The following KIAA1549L variants were observed in gnomAD, a reference collection of about 807,000 sequenced individuals.
KIAA1549L encodes KIAA1549 like.
A neutral mutation model predicts 160.7 loss-of-function variants in KIAA1549L; 88 were observed. The observed-to-expected ratio is 0.55, with a 90% CI of 0.46 to 0.65. The LOEUF is 0.65. Among genes scored for constraint, KIAA1549L ranks in the 30% least tolerant of loss-of-function variants. The pLI, the probability that KIAA1549L is intolerant of heterozygous loss-of-function variation, is 0.00. For synonymous variants in KIAA1549L, 950 were observed against 976.7 expected (o/e 0.97, Z 0.51); for missense variants, 2,258 against 2,437.5 (o/e 0.93, Z 1.55).
At chr11:33,652,900 CGTCT>C (rs1358495016) in intron 17 of KIAA1549L, among the ~76,000 whole-genome samples, 1 of 152,170 alleles carries the variant, frequency 6.6e-6, no homozygotes, top group Non-Finnish European at 1.5e-5. Context: ...GCCCTGCTTT[CGTCT>C]GTCTATGTAT....
intron 4 of KIAA1549L, 81 bp downstream of exon 4, chr11:33,547,960 C>A: frequency 1.1e-6 from 1 of 897,050 alleles, no homozygotes; most frequent in Non-Finnish European, 1.8e-6. Context: ...TGTTTTCCTC[C>A]TTTCTAGGGA....
intron 1 of KIAA1549L, among the ~76,000 whole-genome samples, chr11:33,499,493 A>G (rs1448550083): frequency 6.6e-6 from 1 of 152,186 alleles, no homozygotes; most frequent in Non-Finnish European, 1.5e-5. Flanking sequence ...ATGGTTTAGC[A>G]CAGTTCTTGG....
chr11:33,656,350 C>G (rs764040941), intron 18 of KIAA1549L, among the ~76,000 whole-genome samples: 2 of 152,180 alleles, frequency 1.3e-5, no homozygotes, highest in Non-Finnish European at 2.9e-5. Flanking sequence ...AGCCCAAGGT[C>G]AACTGCCCCA....
chr11:33,380,133 T>C (rs1331211477), intron 1 of KIAA1549L, among the ~76,000 whole-genome samples: 1 of 152,206 alleles, frequency 6.6e-6, no homozygotes, highest in African/African-American at 2.4e-5. Flanking sequence ...CTCAGCACCC[T>C]GTCTGCATGC....
chr11:33,587,794 C>T (rs950093107), intron 11 of KIAA1549L, among the ~76,000 whole-genome samples: 6 of 152,154 alleles, frequency 3.9e-5, no homozygotes, highest in African/African-American at 1.2e-4. Flanking sequence ...GAGATGGGAC[C>T]AGAGCCAGCT....
intron 17 of KIAA1549L, among the ~76,000 whole-genome samples, chr11:33,655,481 C>T (rs1446661489): frequency 1.3e-5 from 2 of 152,196 alleles, no homozygotes; most frequent in Non-Finnish European, 2.9e-5. Context: ...ATGATTCATC[C>T]ATTTAATCAT....
At chr11:33,565,113 G>A (rs529845834) in intron 8 of KIAA1549L, among the ~76,000 whole-genome samples, 8 of 152,202 alleles carry the variant, frequency 5.3e-5, no homozygotes, top group South Asian at 4.2e-4. Flanking sequence ...GGTTGTCTGC[G>A]CCAGGTCTGA....
At chr11:33,440,795 G>T (rs138224967) in intron 1 of KIAA1549L, among the ~76,000 whole-genome samples, 1,623 of 152,286 alleles carry the variant, frequency 0.011, 7 homozygotes, top group South Asian at 0.04. Flanking sequence ...GTGAGGGCAT[G>T]CTAGTTATAA....
intron 1 of KIAA1549L, among the ~76,000 whole-genome samples, chr11:33,390,038 T>C (rs1263946970): frequency 6.6e-6 from 1 of 152,270 alleles, no homozygotes. Flanking sequence ...AAATAACAGC[T>C]AATACTTTTG....
chr11:33,461,055 C>T (rs1483139327), intron 1 of KIAA1549L, among the ~76,000 whole-genome samples: 1 of 151,986 alleles, frequency 6.6e-6, no homozygotes, highest in Admixed American at 6.6e-5. Flanking sequence ...AGGTAAAAAG[C>T]ATTAAAATTG....
chr11:33,607,265 T>C (rs1196689684), intron 14 of KIAA1549L, among the ~76,000 whole-genome samples: 1 of 152,168 alleles, frequency 6.6e-6, no homozygotes, highest in African/African-American at 2.4e-5. Flanking sequence ...CTCTGGGGAC[T>C]TTGAAATGAC....
intron 1 of KIAA1549L, among the ~76,000 whole-genome samples, chr11:33,503,370 T>C (rs1852999475): frequency 6.6e-6 from 1 of 152,258 alleles, no homozygotes; most frequent in African/African-American, 2.4e-5. Context: ...TTTTTAGCTA[T>C]TAAGAATTTT....
At chr11:33,448,119 A>G (rs1268473751) in intron 1 of KIAA1549L, among the ~76,000 whole-genome samples, 1 of 152,184 alleles carries the variant, frequency 6.6e-6, no homozygotes, top group African/African-American at 2.4e-5. Flanking sequence ...TCCGGGATAC[A>G]TGTGCAGAAC....
At chr11:33,504,735 T>C (rs908363322) in intron 1 of KIAA1549L, among the ~76,000 whole-genome samples, 1 of 152,156 alleles carries the variant, frequency 6.6e-6, no homozygotes, top group African/African-American at 2.4e-5. Flanking sequence ...CCCAAAGTGC[T>C]AGGATTACAG....
At chr11:33,405,453 C>G (rs1004200199) in intron 1 of KIAA1549L, among the ~76,000 whole-genome samples, 5 of 148,456 alleles carry the variant, frequency 3.4e-5, no homozygotes, top group Non-Finnish European at 7.4e-5. Context: ...AATAGACTAA[C>G]AAAAAAATTC....
Position 33,506,801 on chromosome 11 carries a change from A to C in KIAA1549L, c.239-35001A>C, listed in dbSNP as rs145692799. On this transcript the variant is annotated intron_variant, in intron 1 of 20. Transcript: ENST00000658780. ...AACATAAAAATATTTGAAAAATTCCAAAATCAGGCTTTACTTGATATTTGG... is the reference window on the plus strand; with the variant it reads ...AACATAAAAATATTTGAAAAATTCCCAAATCAGGCTTTACTTGATATTTGG... Among the ~76,000 whole-genome samples the C allele has an allele frequency of 4.8e-3, 732 of 152,246 alleles. 8 individuals are homozygous for C. The highest frequency in any genetic ancestry group is 0.016 in the African/African-American group (675 of 41,542).
At position 33,646,023 on chromosome 11, in the gene KIAA1549L, G is replaced by A. The variant is rs1443287475; in HGVS notation, c.5747G>A (p.Ser1916Asn). Residue 1916 changes from serine (S) to asparagine (N), a missense_variant, in exon 17 of 21, where the codon AGT becomes AAT. Coordinates refer to ENST00000658780, the MANE Select transcript of KIAA1549L (RefSeq NM_012194.3). ...TACCGCCCAGAAATGTATCAGTACA[G>A]TCTGCCCCGGCCGGTAAGTCATTCA... The part of the protein sequence containing the change: ...PTYRPEMYQY[S>N]LPRPAYRFSQ... 1 of 1,574,460 alleles carries A rather than the reference G, an allele frequency of 6.4e-7. No individual in the cohort carries two copies. The highest frequency in any genetic ancestry group is 8.6e-7 in the Non-Finnish European group (1 of 1,159,766).
At chr11:33,423,300 C>T (rs976514572) in intron 1 of KIAA1549L, among the ~76,000 whole-genome samples, 1 of 152,092 alleles carries the variant, frequency 6.6e-6, no homozygotes, top group East Asian at 1.9e-4. Flanking sequence ...GGCAAGAACA[C>T]ACATCAGATT....
At chr11:33,491,823 T>C (rs1218066513) in intron 1 of KIAA1549L, among the ~76,000 whole-genome samples, 2 of 152,150 alleles carry the variant, frequency 1.3e-5, no homozygotes, top group Non-Finnish European at 2.9e-5. Flanking sequence ...CTCTGACCAG[T>C]GACAAACCAC....
Sources: allele counts gnomAD v4.1 joint callset (sites outside exome capture counted in the v4.1 genomes callset), GRCh38; gene constraint gnomAD v4.1.1; transcripts MANE v1.5; gene names NCBI Gene and HGNC (gene_info 2026-07-23, HGNC 2026-07-21).